The following UVRAG variants were observed in gnomAD, a reference collection of about 807,000 sequenced individuals.
UVRAG encodes UV radiation resistance-associated gene protein.
Under a neutral mutation model 78.0 loss-of-function variants are expected in UVRAG, and 19 were observed. The ratio of observed to expected loss-of-function variants is 0.24; its 90% CI spans 0.17 to 0.36. The LOEUF (loss-of-function observed/expected upper bound fraction) is 0.36, where lower values mean the gene tolerates loss of function less well. Ranked by LOEUF, UVRAG falls within the 10% of genes least tolerant of loss-of-function variation. The pLI is 1.00. For missense variants in UVRAG, 740 were observed against 853.8 expected, an observed-to-expected ratio of 0.87 and a Z score of 1.66; for synonymous variants, 323 against 324.6, an observed-to-expected ratio of 1.00 and a Z score of 0.05.
intron 7 of UVRAG, among the ~76,000 whole-genome samples, chr11:75,969,068 A>T (rs562732340): frequency 6.6e-6 from 1 of 152,264 alleles, no homozygotes; most frequent in African/African-American, 2.4e-5. Context: ...TCAGAATGTC[A>T]TGCAACCATT....
Position 75,971,906 on chromosome 11 carries a change from G to T in UVRAG, c.699+10357G>T, listed in dbSNP as rs112439067. 2.6e-3 allele frequency among the ~76,000 whole-genome samples: 401 copies of T among 152,208 alleles called. 1 individual carries two copies. Among genetic ancestry groups the T allele is most frequent in the African/African-American group, 9.3e-3 (386 of 41,522 alleles). On this transcript the variant is annotated intron_variant, in intron 7 of 14. Transcript: ENST00000356136. ...GGGTTTTGCCATGTTGGCCAGGCTG[G>T]TCTCGAACTCCTGACCTCAGCTAAT...
chr11:75,994,815 T>C (rs1002975830), intron 8 of UVRAG, among the ~76,000 whole-genome samples: 2 of 152,216 alleles, frequency 1.3e-5, no homozygotes, highest in Admixed American at 6.5e-5. Flanking sequence ...TTGCTGTTTT[T>C]CTATTTGGCC....
rs189330291 is a variant in UVRAG, at chr11:75,870,850, C to G, written c.271-9029C>G. Among the ~76,000 whole-genome samples the G allele has an allele frequency of 3.6e-4, 54 of 152,050 alleles. 1 individual carries two copies. Among genetic ancestry groups the G allele is most frequent in the African/African-American group, 1.2e-3 (50 of 41,508 alleles). On this transcript the variant is annotated intron_variant, in intron 3 of 14. Coordinates refer to ENST00000356136, the MANE Select transcript of UVRAG (RefSeq NM_003369.4). ...GAACTGATCAATGAAACACGATCATCTTTTGCTTTTCTTTGCTTTATTTTA... is the reference window on the plus strand; with the variant it reads ...GAACTGATCAATGAAACACGATCATGTTTTGCTTTTCTTTGCTTTATTTTA...
At chr11:75,992,546 C>T (rs930435618) in intron 8 of UVRAG, among the ~76,000 whole-genome samples, 1 of 151,916 alleles carries the variant, frequency 6.6e-6, no homozygotes, top group Non-Finnish European at 1.5e-5. Flanking sequence ...ATTCCCATTG[C>T]GAATGTTTGT....
intron 6 of UVRAG, among the ~76,000 whole-genome samples, chr11:75,917,542 T>C (rs1215041347): frequency 6.6e-6 from 1 of 152,228 alleles, no homozygotes; most frequent in East Asian, 1.9e-4. Flanking sequence ...TACATGTTAA[T>C]ACCTCTTCAA....
chr11:76,127,957 CA>C (rs75226887), intron 14 of UVRAG, among the ~76,000 whole-genome samples: 107 of 137,494 alleles, frequency 7.8e-4, no homozygotes, highest in African/African-American at 1.4e-3. Flanking sequence ...GACCCCATCT[CA>C]AAAAAAAAAA....
At chr11:75,877,937 C>T (rs1340689212) in intron 3 of UVRAG, among the ~76,000 whole-genome samples, 12 of 148,714 alleles carry the variant, frequency 8.1e-5, no homozygotes, top group South Asian at 4.3e-4. Context: ...CCCTCCTGGA[C>T]GGGGCGGCTG....
intron 10 of UVRAG, 151 bp from the exon 11 acceptor site, chr11:76,008,656 T>A: frequency 2.5e-6 from 1 of 401,042 alleles, no homozygotes; most frequent in Non-Finnish European, 4.6e-6. Flanking sequence ...GTAGAATGAA[T>A]CACCATGTAC....
intron 5 of UVRAG, among the ~76,000 whole-genome samples, chr11:75,898,425 A>G (rs983062672): frequency 6.6e-6 from 1 of 151,800 alleles, no homozygotes; most frequent in Non-Finnish European, 1.5e-5. Context: ...TGAATTGTCT[A>G]TCTCTCTCTC....
At chr11:76,023,807 G>A (rs557073423) in intron 12 of UVRAG, among the ~76,000 whole-genome samples, 11 of 152,096 alleles carry the variant, frequency 7.2e-5, no homozygotes, top group African/African-American at 2.4e-4. Flanking sequence ...ACTGTTTTCC[G>A]GGGTTTTGAC....
chr11:75,952,310 A>G (rs1948718406), intron 6 of UVRAG, among the ~76,000 whole-genome samples: 2 of 152,052 alleles, frequency 1.3e-5, no homozygotes, highest in African/African-American at 2.4e-5. Flanking sequence ...GACCTTGAGT[A>G]TATGTGGAAT....
At position 75,985,104 on chromosome 11, in the gene UVRAG, C is replaced by A. The variant is rs898548875; in HGVS notation, c.826+1591C>A. 9.9e-5 allele frequency among the ~76,000 whole-genome samples: 15 copies of A among 151,758 alleles called. No individual in the cohort carries two copies. The East Asian group carries it at 1.9e-3, about 19-fold the overall frequency. On this transcript the variant is annotated intron_variant, in intron 8 of 14. Transcript: ENST00000356136. ...CAATATGATTGTGCCAGTTTATCTC[C>A]CCTCTGTCCAGTGTTGCTCCTTCCT...
chr11:76,062,492 C>A (rs1196515675), intron 12 of UVRAG, among the ~76,000 whole-genome samples: 1 of 152,096 alleles, frequency 6.6e-6, no homozygotes, highest in African/African-American at 2.4e-5. Flanking sequence ...CTGCTTGAAG[C>A]CATGCAGAAA....
chr11:75,961,635 C>T (rs2135203865), intron 7 of UVRAG, 86 bp downstream of exon 7: 1 of 1,017,964 alleles, frequency 9.8e-7, no homozygotes, highest in Non-Finnish European at 1.4e-6. Context: ...TTAAAAAACG[C>T]TTTAGATCGT....
At chr11:75,863,800 T>A (rs1946476884) in intron 3 of UVRAG, among the ~76,000 whole-genome samples, 1 of 152,194 alleles carries the variant, frequency 6.6e-6, no homozygotes, top group Non-Finnish European at 1.5e-5. Flanking sequence ...TCACAGTTTA[T>A]ACTATAATTG....
chr11:76,065,201 G>A, intron 12 of UVRAG, among the ~76,000 whole-genome samples: 1 of 152,198 alleles, frequency 6.6e-6, no homozygotes, highest in South Asian at 2.1e-4. Context: ...CCCTGTAAAT[G>A]TGAATGAATA....
intron 1 of UVRAG, among the ~76,000 whole-genome samples, chr11:75,828,772 T>C (rs1038350446): frequency 4.5e-5 from 5 of 111,176 alleles, no homozygotes; most frequent in African/African-American, 1.9e-4. Context: ...TATATATATA[T>C]ATACACACAT....
chr11:75,829,186 C>A (rs567181215), intron 1 of UVRAG, among the ~76,000 whole-genome samples: 1 of 152,290 alleles, frequency 6.6e-6, no homozygotes, highest in East Asian at 1.9e-4. Flanking sequence ...ATGGATCCTT[C>A]TGCCTTAGCC....
chr11:75,864,627 T>C (rs1205800088), intron 3 of UVRAG, among the ~76,000 whole-genome samples: 1 of 152,284 alleles, frequency 6.6e-6, no homozygotes, highest in African/African-American at 2.4e-5. Context: ...TTAAATGCTT[T>C]TGTATTTATT....
Sources: allele counts gnomAD v4.1 joint callset (sites outside exome capture counted in the v4.1 genomes callset), GRCh38; gene constraint gnomAD v4.1.1; transcripts MANE v1.5; gene names NCBI Gene and HGNC (gene_info 2026-07-23, HGNC 2026-07-21).